Variants in LRMDA observed in about 807,000 individuals in gnomAD.
LRMDA encodes the protein leucine-rich melanocyte differentiation-associated protein.
LRMDA carries 18 observed loss-of-function variants against 29.8 expected under a neutral mutation model. The observed-to-expected ratio is 0.60, with a 90% CI of 0.42 to 0.90. The LOEUF (loss-of-function observed/expected upper bound fraction) is 0.90, where lower values mean the gene tolerates loss of function less well. Ranked by LOEUF, LRMDA falls within the 40% of genes least tolerant of loss-of-function variation. LRMDA has a pLI of 0.00. For synonymous variants in LRMDA, 125 were observed against 109.4 expected, an observed-to-expected ratio of 1.14 and a Z score of -0.89; for missense variants, 273 against 273.9, an observed-to-expected ratio of 1.00 and a Z score of 0.02.
intron 2 of LRMDA, among the ~76,000 whole-genome samples, chr10:75,593,937 T>A (rs545554223): frequency 5.9e-5 from 9 of 152,200 alleles, no homozygotes; most frequent in Non-Finnish European, 1.3e-4. Flanking sequence ...CGCGGGATGA[T>A]CCTCAACCTT....
chr10:76,404,817 A>G (rs1841886077), intron 6 of LRMDA, among the ~76,000 whole-genome samples: 1 of 152,208 alleles, frequency 6.6e-6, no homozygotes, highest in Non-Finnish European at 1.5e-5. Flanking sequence ...ATCCTGGACC[A>G]TGTGGGTGGG....
At chr10:76,023,909 C>T (rs1848019177) in intron 2 of LRMDA, among the ~76,000 whole-genome samples, 1 of 152,204 alleles carries the variant, frequency 6.6e-6, no homozygotes, top group East Asian at 1.9e-4. Flanking sequence ...AACAATTGGT[C>T]TAGGTTTGTC....
intron 2 of LRMDA, among the ~76,000 whole-genome samples, chr10:75,452,251 G>A (rs1466536991): frequency 3.9e-5 from 6 of 152,068 alleles, no homozygotes; most frequent in Admixed American, 3.3e-4. Context: ...TTTTGTTGGC[G>A]TCTCGATGCC....
At chr10:76,072,526 A>G (rs950326840) in intron 5 of LRMDA, among the ~76,000 whole-genome samples, 1 of 152,254 alleles carries the variant, frequency 6.6e-6, no homozygotes, top group African/African-American at 2.4e-5. Flanking sequence ...TCATTCTAGC[A>G]GTGATGTTTT....
intron 2 of LRMDA, among the ~76,000 whole-genome samples, chr10:75,514,532 GT>G (rs2132033930): frequency 6.6e-6 from 1 of 152,230 alleles, no homozygotes; most frequent in Admixed American, 6.5e-5. Context: ...AGTGTTGGAG[GT>G]AGGGCCTAAT....
chr10:76,116,677 A>G (rs1849672054), intron 5 of LRMDA, among the ~76,000 whole-genome samples: 1 of 152,188 alleles, frequency 6.6e-6, no homozygotes. Context: ...CTTTTGGGCA[A>G]GCAGCCTTCC....
At chr10:75,474,718 T>C (rs1205302721) in intron 2 of LRMDA, among the ~76,000 whole-genome samples, 2 of 152,210 alleles carry the variant, frequency 1.3e-5, no homozygotes, top group South Asian at 4.1e-4. Context: ...CTCATTGTAA[T>C]ACCAGTGCAG....
At chr10:76,095,227 A>C (rs1315340505) in intron 5 of LRMDA, among the ~76,000 whole-genome samples, 1 of 152,228 alleles carries the variant, frequency 6.6e-6, no homozygotes, top group African/African-American at 2.4e-5. Context: ...AATAAATGGA[A>C]TCATACCATA....
At chr10:76,118,896 C>T (rs140423524) in intron 5 of LRMDA, among the ~76,000 whole-genome samples, 3 of 111,274 alleles carry the variant, frequency 2.7e-5, no homozygotes, top group East Asian at 5.9e-4. Flanking sequence ...TAGTTCGGAA[C>T]TTGAGGCGAA....
At chr10:75,629,702 T>G (rs1841299451) in intron 2 of LRMDA, among the ~76,000 whole-genome samples, 1 of 152,242 alleles carries the variant, frequency 6.6e-6, no homozygotes, top group Admixed American at 6.5e-5. Context: ...TATCTGTTCA[T>G]GGGCTCTAAA....
At chr10:76,105,669 C>A (rs1402847088) in intron 5 of LRMDA, among the ~76,000 whole-genome samples, 2 of 152,176 alleles carry the variant, frequency 1.3e-5, no homozygotes, top group African/African-American at 4.8e-5. Context: ...CCCCTAGAGC[C>A]TTTGGAGGGA....
chr10:75,491,391 A>C (rs570297241), intron 2 of LRMDA, among the ~76,000 whole-genome samples: 1 of 152,172 alleles, frequency 6.6e-6, no homozygotes, highest in Admixed American at 6.5e-5. Context: ...TAGAAAATCA[A>C]TTCTGGCCTG....
At chr10:76,256,200 A>G (rs1258553385) in intron 5 of LRMDA, among the ~76,000 whole-genome samples, 1 of 152,214 alleles carries the variant, frequency 6.6e-6, no homozygotes, top group Non-Finnish European at 1.5e-5. Context: ...ATAGAGTATC[A>G]CAGTGAAGAC....
chr10:75,915,524 G>T (rs1255662606), intron 2 of LRMDA, among the ~76,000 whole-genome samples: 1 of 152,180 alleles, frequency 6.6e-6, no homozygotes, highest in Non-Finnish European at 1.5e-5. Context: ...ATAGGTATGA[G>T]CCAGCAAGTC....
intron 2 of LRMDA, among the ~76,000 whole-genome samples, chr10:75,796,706 G>A (rs1005229968): frequency 1.3e-5 from 2 of 152,166 alleles, no homozygotes; most frequent in Non-Finnish European, 2.9e-5. Flanking sequence ...CCAGTTAGCT[G>A]AGATTACAAG....
chr10:76,308,406 G>A (rs1214231536), intron 5 of LRMDA, among the ~76,000 whole-genome samples: 1 of 152,168 alleles, frequency 6.6e-6, no homozygotes, highest in African/African-American at 2.4e-5. Context: ...AGACGAAGAT[G>A]GATAGGGAGC....
At chr10:76,333,516 G>C (rs1158676478) in intron 6 of LRMDA, among the ~76,000 whole-genome samples, 1 of 152,170 alleles carries the variant, frequency 6.6e-6, no homozygotes, top group African/African-American at 2.4e-5. Context: ...GACAGCTGGG[G>C]CCTGGATAGA....
chr10:76,034,900 C>G (rs915257084), intron 2 of LRMDA, among the ~76,000 whole-genome samples: 1 of 152,046 alleles, frequency 6.6e-6, no homozygotes, highest in African/African-American at 2.4e-5. Context: ...GGCAGGTGAA[C>G]GAGCTGGGAG....
chr10:75,639,610 C>G (rs1006692887), intron 2 of LRMDA, among the ~76,000 whole-genome samples: 1 of 152,166 alleles, frequency 6.6e-6, no homozygotes, highest in Non-Finnish European at 1.5e-5. Flanking sequence ...TGCGGCTTGG[C>G]GTGCAGTGCT....
Sources: gnomAD v4.1 joint callset for allele counts (sites outside exome capture counted in the v4.1 genomes callset) on GRCh38, gnomAD v4.1.1 for gene constraint, MANE v1.5 for transcripts, NCBI Gene and HGNC (gene_info 2026-07-23, HGNC 2026-07-21) for gene names.